The following TCF3 variants were observed in gnomAD, a reference collection of about 807,000 sequenced individuals.
TCF3 encodes the protein transcription factor E2-alpha.
TCF3 carries 54 observed loss-of-function variants against 72.3 expected under a neutral mutation model. That is an observed-to-expected ratio of 0.75 (90% CI 0.60 to 0.94). TCF3 has a LOEUF of 0.94. Among genes scored for constraint, TCF3 ranks in the 40% least tolerant of loss-of-function variants. The pLI is 0.00. For synonymous variants in TCF3, 525 were observed against 412.6 expected (o/e 1.27, Z -3.30); for missense variants, 1,078 against 934.4 (o/e 1.15, Z -2.00).
intron 3 of TCF3, among the ~76,000 whole-genome samples, chr19:1,636,665 C>A (rs1414897095): frequency 1.3e-5 from 2 of 152,154 alleles, no homozygotes; most frequent in Non-Finnish European, 2.9e-5. Flanking sequence ...CGCACTGCAG[C>A]CGCCCTGGGT....
intron 2 of TCF3, among the ~76,000 whole-genome samples, chr19:1,646,805 T>C (rs781749551): frequency 3.3e-5 from 5 of 152,200 alleles, no homozygotes; most frequent in Non-Finnish European, 7.3e-5. Context: ...CAAAGTTGTC[T>C]TTACGTTTCA....
At chr19:1,626,853 G>A (rs1327700106) in intron 6 of TCF3, among the ~76,000 whole-genome samples, 2 of 152,092 alleles carry the variant, frequency 1.3e-5, no homozygotes, top group Non-Finnish European at 2.9e-5. Context: ...GAGCCCCACC[G>A]AGAGCTAGGA....
intron 1 of TCF3, chr19:1,650,557 A>G (rs2066861929): frequency 2.8e-6 from 1 of 358,892 alleles, no homozygotes; most frequent in Non-Finnish European, 5.0e-6. Flanking sequence ...TAAACTCCCT[A>G]ACTCCCCCAG....
intron 7 of TCF3, among the ~76,000 whole-genome samples, chr19:1,624,868 C>G (rs977966214): frequency 3.9e-5 from 6 of 152,176 alleles, no homozygotes; most frequent in Admixed American, 3.9e-4. Flanking sequence ...TTTTTTCAGG[C>G]AGGGTCTTGC....
chr19:1,624,915 A>G (rs1230682196), intron 7 of TCF3, among the ~76,000 whole-genome samples: 3 of 152,150 alleles, frequency 2.0e-5, no homozygotes, highest in Admixed American at 1.3e-4. Context: ...GTGCGATCGC[A>G]GCTCATTGCA....
At chr19:1,651,861 G>A (rs911124635) in intron 1 of TCF3, among the ~76,000 whole-genome samples, 56 of 149,040 alleles carry the variant, frequency 3.8e-4, no homozygotes, top group African/African-American at 1.3e-3. Context: ...TCCCCGCGCA[G>A]ACAAAAGGAC....
intron 8 of TCF3, among the ~76,000 whole-genome samples, chr19:1,623,036 G>T (rs1252606559): frequency 6.6e-6 from 1 of 152,168 alleles, no homozygotes; most frequent in Admixed American, 6.5e-5. Flanking sequence ...CCTGGGGAAG[G>T]AGGGGAGTGA....
chr19:1,611,930 C>CGG (rs529618842), intron 18 of TCF3, 81 bp from the exon 19 acceptor site: 6,488 of 173,838 alleles, frequency 0.037, 209 homozygotes, highest in Admixed American at 0.053. Flanking sequence ...GGTAGGATGT[C>CGG]GGGGGGGGGG....
At position 1,650,237 on chromosome 19, in the gene TCF3, C is replaced by T. The variant is rs750352850; in HGVS notation, c.12G>A (p.Pro4=). Residue 4 remains proline (P), a synonymous_variant, in exon 2 of 19, where the codon CCG becomes CCA. Coordinates refer to ENST00000262965, the MANE Select transcript of TCF3 (RefSeq NM_003200.5). ...CTGTGCCCACAGGCGCCATCCTCTG[C>T]GGCTGGTTCATTCTCCTGGGGCCAG... The part of the protein sequence containing the change: MNQ[P]QRMAPVGTDK... The T allele has an allele frequency of 7.0e-6, 11 of 1,566,120 alleles. No homozygotes were observed. The highest frequency in any genetic ancestry group is 5.8e-5 in the Admixed American group (3 of 51,722).
At chr19:1,644,862 G>A (rs556218889) in intron 3 of TCF3, among the ~76,000 whole-genome samples, 89 of 152,182 alleles carry the variant, frequency 5.8e-4, no homozygotes, top group African/African-American at 2.1e-3. Flanking sequence ...GGAGAATGGG[G>A]GTGGACGGCC....
Position 1,614,292 on chromosome 19 carries a change from T to C in TCF3, c.1822+993A>G. On this transcript the variant is annotated intron_variant, in intron 18 of 18. Coordinates refer to ENST00000262965, the MANE Select transcript of TCF3 (RefSeq NM_003200.5). The surrounding 1 kb of genome is among the most constrained non-coding windows in gnomAD (Gnocchi z 5.6). ...CCCAGGACAAGCGCACAGACCAAAC[T>C]GACAGGACCAGGGGCTGCGTGCTCC... Among the ~76,000 whole-genome samples, 1 of 152,172 alleles carries C rather than the reference T, an allele frequency of 6.6e-6. No individual in the cohort carries two copies. Among genetic ancestry groups the C allele is most frequent in the Admixed American group, 6.5e-5 (1 of 15,290 alleles).
chr19:1,639,285 C>G (rs753700878), intron 3 of TCF3, among the ~76,000 whole-genome samples: 6 of 152,206 alleles, frequency 3.9e-5, no homozygotes, highest in African/African-American at 1.2e-4. Flanking sequence ...CTCAGAAGAT[C>G]CACCTGCCTT....
chr19:1,630,928 C>T (rs926392962), intron 5 of TCF3, among the ~76,000 whole-genome samples: 10 of 152,230 alleles, frequency 6.6e-5, no homozygotes, highest in South Asian at 2.1e-4. Flanking sequence ...GGACCGCACA[C>T]GGGACACTGT....
Position 1,645,625 on chromosome 19 carries a change from GGTCCC to G in TCF3, c.145+725_145+729del, listed in dbSNP as rs1402338261. ...GCCCTCTGCGGAGACCTTCACTAGA[GGTCCC>G]GCTTTGGGGCAACCTGGCCCTCGCT... is the stretch of plus-strand genomic sequence containing the variant. On this transcript the variant is annotated intron_variant, in intron 3 of 18. Coordinates refer to ENST00000262965, the MANE Select transcript of TCF3 (RefSeq NM_003200.5). Among the ~76,000 whole-genome samples the G allele has an allele frequency of 4.6e-5, 7 of 152,170 alleles. No homozygotes were observed. The South Asian group carries it at 6.2e-4, about 14-fold the overall frequency.
intron 18 of TCF3, among the ~76,000 whole-genome samples, chr19:1,613,558 G>A (rs892532681): frequency 2.6e-5 from 4 of 152,136 alleles, no homozygotes; most frequent in Non-Finnish European, 5.9e-5. Flanking sequence ...CGGGGTGATG[G>A]ACAGCTAGGC....
intron 18 of TCF3, 67 bp from the exon 19 acceptor site, chr19:1,611,916 G>T (rs553466857): frequency 8.0e-5 from 39 of 487,254 alleles, no homozygotes; most frequent in East Asian, 1.2e-4. Context: ...AGGTGGGAGT[G>T]GGGGGTAGGA....
intron 11 of TCF3, 142 bp from the exon 12 acceptor site, chr19:1,621,333 C>T: frequency 1.9e-6 from 2 of 1,040,542 alleles, no homozygotes; most frequent in South Asian, 1.6e-5. Flanking sequence ...TCTGTCTGAC[C>T]CCCTGAAACC....
intron 1 of TCF3, among the ~76,000 whole-genome samples, chr19:1,651,664 G>C (rs926052785): frequency 2.5e-4 from 38 of 151,842 alleles, no homozygotes; most frequent in African/African-American, 7.7e-4. Context: ...CCTTTTTCCC[G>C]GGGGGAGGCG....
In TCF3 at chr19:1,619,119, G is replaced by A. The variant is rs1271953257; in HGVS notation, c.1442C>T (p.Ser481Phe). The A allele has an allele frequency of 6.9e-6, 11 of 1,599,418 alleles. No homozygotes were observed. The highest frequency in any genetic ancestry group is 9.3e-6 in the Non-Finnish European group (11 of 1,179,710). The change falls in exon 16 of 19, where the codon TCC becomes TTC. Residue 481 changes from serine (S) to phenylalanine (F), a missense_variant. Ser to Phe is a radical substitution (Grantham distance 155, BLOSUM62 -2). Transcript: ENST00000262965. Reference protein sequence around the residue: ...TLPDLSRPPDSYSGLGRAGAT... With the variant: ...TLPDLSRPPDFYSGLGRAGAT... ...CAAGCTCAAGGGCTTACCACTGTAG[G>A]AGTCGGGAGGCCGAGACAGGTCAGG... is the stretch of plus-strand genomic sequence containing the variant.
Sources: allele counts gnomAD v4.1 joint callset (sites outside exome capture counted in the v4.1 genomes callset), GRCh38; gene constraint gnomAD v4.1.1; non-coding constraint Gnocchi (gnomAD v3.1); transcripts MANE v1.5; gene names NCBI Gene and HGNC (gene_info 2026-07-23, HGNC 2026-07-21).